FREM1: variants seen among roughly 807,000 people sequenced by gnomAD.
The protein encoded by FREM1 is FRAS1-related extracellular matrix protein 1.
A neutral mutation model predicts 210.1 loss-of-function variants in FREM1; 220 were observed. That is an observed-to-expected ratio of 1.05 (90% CI 0.94 to 1.17). The LOEUF is 1.17. Among genes scored for constraint, FREM1 ranks in the 50% most tolerant of loss-of-function variants. The pLI is 0.00. For synonymous variants in FREM1, 1,189 were observed against 980.2 expected, an observed-to-expected ratio of 1.21 and a Z score of -3.98; for missense variants, 3,454 against 2,675.5, an observed-to-expected ratio of 1.29 and a Z score of -6.42.
chr9:14,747,095 G>A, intron 33 of FREM1, 44 bp from the exon 34 acceptor site: 1 of 1,612,134 alleles, frequency 6.2e-7, no homozygotes, highest in Non-Finnish European at 8.5e-7. Flanking sequence ...ATTGACTTAA[G>A]GAAAGTTGCT....
At chr9:14,813,199 T>C in intron 15 of FREM1, 135 bp from the exon 16 acceptor site, 1 of 946,098 alleles carries the variant, frequency 1.1e-6, no homozygotes, top group African/African-American at 1.6e-5. Context: ...CCGTGAAATT[T>C]GGCCAAGTAA....
At chr9:14,799,947 C>G (rs1853214191) in intron 20 of FREM1, among the ~76,000 whole-genome samples, 1 of 119,844 alleles carries the variant, frequency 8.3e-6, no homozygotes, top group East Asian at 2.9e-4. Context: ...TCCCTCCCCC[C>G]TCCCCCCACC....
chr9:14,859,593 A>AGAT (rs1261466390), intron 3 of FREM1, 109 bp from the exon 4 acceptor site: 1 of 889,882 alleles, frequency 1.1e-6, no homozygotes, highest in Non-Finnish European at 1.7e-6. Flanking sequence ...TTTGTGCCAC[A>AGAT]GATTGAGTTT....
rs80194188 is a variant in FREM1 at position 14,842,887 on chromosome 9, A to G, written c.1394-227T>C. The stretch of plus-strand genomic sequence containing the variant: ...CAGATTTGAGCAAGGTATTTAATTT[A>G]TGAAACTCATCTATAAAACATGGAT... On this transcript the variant is annotated intron_variant, in intron 8 of 36. Coordinates refer to ENST00000380880, the MANE Select transcript of FREM1 (RefSeq NM_001379081.2). 0.082 allele frequency among the ~76,000 whole-genome samples: 12,528 copies of G among 152,286 alleles called. 626 individuals are homozygous for G. Among genetic ancestry groups the G allele is most frequent in the African/African-American group, 0.14 (5,718 of 41,540 alleles).
intron 1 of FREM1, among the ~76,000 whole-genome samples, chr9:14,897,745 C>A (rs1838004104): frequency 6.6e-6 from 1 of 152,114 alleles, no homozygotes; most frequent in Non-Finnish European, 1.5e-5. Context: ...CACTCGCCAC[C>A]ATGCCTGACT....
At chr9:14,861,204 C>T (rs1287420647) in intron 3 of FREM1, among the ~76,000 whole-genome samples, 1 of 99,990 alleles carries the variant, frequency 1.0e-5, no homozygotes, top group African/African-American at 6.1e-5. Context: ...CATATATACA[C>T]ACATATACAT....
intron 36 of FREM1, among the ~76,000 whole-genome samples, chr9:14,739,463 T>TATATATATATATATAATTC (rs58425457): frequency 1.4e-4 from 19 of 138,318 alleles, no homozygotes; most frequent in African/African-American, 5.1e-4. Context: ...TATATATATA[T>TATATATATATATATAATTC]ATATATATAT....
intron 1 of FREM1, among the ~76,000 whole-genome samples, chr9:14,897,518 T>A (rs1382160329): frequency 6.6e-6 from 1 of 151,738 alleles, no homozygotes; most frequent in East Asian, 1.9e-4. Flanking sequence ...TATCATATAC[T>A]GAGATGTAGT....
At chr9:14,860,770 TAC>T (rs1797307625) in intron 3 of FREM1, among the ~76,000 whole-genome samples, 12 of 110,548 alleles carry the variant, frequency 1.1e-4, no homozygotes, top group Non-Finnish European at 1.9e-4. Flanking sequence ...TGCACATATA[TAC>T]ACATATATAC....
At chr9:14,743,921 T>G (rs189841812) in intron 35 of FREM1, among the ~76,000 whole-genome samples, 1 of 152,268 alleles carries the variant, frequency 6.6e-6, no homozygotes, top group East Asian at 1.9e-4. Flanking sequence ...GAGCTTTCAG[T>G]GCATTACGAC....
At chr9:14,904,041 G>C (rs1817223155) in intron 1 of FREM1, among the ~76,000 whole-genome samples, 1 of 146,750 alleles carries the variant, frequency 6.8e-6, no homozygotes, top group African/African-American at 2.5e-5. Context: ...AGAATGGCGT[G>C]AACCTGGGAG....
In FREM1 at chr9:14,819,249, T is replaced by G; in HGVS notation, c.2531A>C (p.His844Pro). ...SGGTFSWGDLHTLKVRYQHDG... is the reference protein window; with the variant it reads ...SGGTFSWGDLPTLKVRYQHDG... ...ATGTTCTAACCTAACTTTTAAGGTA[T>G]GGAGATCGCCCCAAGAAAATGTGCC... Residue 844 changes from histidine (H) to proline (P), a missense_variant, in exon 14 of 37, where the codon CAT becomes CCT. By Grantham distance (77) the His-to-Pro change is moderately conservative (BLOSUM62 -2). Transcript: ENST00000380880. 1.9e-6 allele frequency: 3 copies of G among 1,612,434 alleles called. No individual in the cohort carries two copies. Among genetic ancestry groups the G allele is most frequent in the South Asian group, 1.1e-5 (1 of 90,902 alleles).
Position 14,880,899 on chromosome 9 carries a change from T to A in FREM1, c.-267-11655A>T, listed in dbSNP as rs78304735. On this transcript the variant is annotated intron_variant, in intron 1 of 36. Transcript: ENST00000380880. ...AAAATAAATTGAAGAAAGTCACCAA[T>A]ATAATTAGTTCCCTGGTACCAGCCC... is the stretch of plus-strand genomic sequence containing the variant. Among the ~76,000 whole-genome samples the A allele has an allele frequency of 5.5e-3, 833 of 152,280 alleles. 1 individual carries two copies. Among genetic ancestry groups the A allele is most frequent in the Non-Finnish European group, 9.7e-3 (662 of 68,024 alleles).
chr9:14,788,937 TG>T lies in FREM1; in HGVS notation c.4158del (p.Ile1387SerfsTer26), dbSNP rs757158480. ...CTTTTACCTTTTTCCATGTCCTTGA[TG>T]GTGATTTGACAGTCAAGAGCAGGGG... ...NRSPALDCQI[T>X]IKDMEKGDIV... On this transcript the variant is annotated frameshift_variant, in exon 23 of 37. Coordinates refer to ENST00000380880, the MANE Select transcript of FREM1 (RefSeq NM_001379081.2). LOFTEE classifies it high-confidence loss of function. 1.9e-6 allele frequency: 3 copies of T among 1,612,462 alleles called. No individual in the cohort carries two copies. In the African/African-American group the frequency reaches 4.0e-5, roughly 22 times the overall value.
chr9:14,784,677 A>G, intron 23 of FREM1, 43 bp from the exon 24 acceptor site: 3 of 1,419,730 alleles, frequency 2.1e-6, no homozygotes, highest in Non-Finnish European at 2.8e-6. Context: ...ATATCAAAAA[A>G]CACATTATGT....
intron 10 of FREM1, among the ~76,000 whole-genome samples, chr9:14,830,068 G>C (rs1320895123): frequency 2.0e-5 from 3 of 152,156 alleles, no homozygotes; most frequent in Non-Finnish European, 2.9e-5. Context: ...AGAAGAAAGT[G>C]GGTGGGCAAA....
Position 14,846,123 on chromosome 9 carries a change from T to C in FREM1, c.1262-32A>G, listed in dbSNP as rs536846520. ...AAGAAAGGAGAAAAGGGTGTTGGTA[T>C]CATAGACTGGATAAAGAAAATGAGG... On this transcript the variant is annotated intron_variant, in intron 7 of 36. Coordinates refer to ENST00000380880, the MANE Select transcript of FREM1 (RefSeq NM_001379081.2). 306 of 1,536,494 alleles carry C rather than the reference T, an allele frequency of 2.0e-4. 1 individual carries two copies. Among genetic ancestry groups the C allele is most frequent in the African/African-American group, 1.9e-3 (135 of 72,812 alleles).
chr9:14,876,772 G>A (rs111897537), intron 1 of FREM1, among the ~76,000 whole-genome samples: 19 of 152,284 alleles, frequency 1.2e-4, no homozygotes, highest in African/African-American at 3.9e-4. Flanking sequence ...CTTCTGCATC[G>A]CTCACGCTAG....
chr9:14,741,198 A>C (rs951744018), intron 35 of FREM1, among the ~76,000 whole-genome samples: 1 of 152,238 alleles, frequency 6.6e-6, no homozygotes, highest in African/African-American at 2.4e-5. Context: ...TTGATATGAA[A>C]AGAAAAGTAG....
Sources: allele counts gnomAD v4.1 joint callset (sites outside exome capture counted in the v4.1 genomes callset), GRCh38; gene constraint gnomAD v4.1.1; transcripts MANE v1.5; gene names NCBI Gene and HGNC (gene_info 2026-07-23, HGNC 2026-07-21).